KCNMA1: variants seen among roughly 807,000 people sequenced by gnomAD.
KCNMA1 encodes the protein potassium calcium-activated channel subfamily M alpha 1, also known as Calcium-activated potassium channel subunit alpha-1.
KCNMA1 carries 29 observed loss-of-function variants against 140.0 expected under a neutral mutation model. The observed-to-expected ratio is 0.21, with a 90% CI of 0.15 to 0.28. The LOEUF (loss-of-function observed/expected upper bound fraction) is 0.28. Among genes scored for constraint, KCNMA1 ranks in the 10% least tolerant of loss-of-function variants. The pLI, the probability that KCNMA1 is intolerant of heterozygous loss-of-function variation, is 1.00. For synonymous variants in KCNMA1, 612 were observed against 611.9 expected (o/e 1.00, Z 0.00); for missense variants, 880 against 1,602.2 (o/e 0.55, Z 7.70).
rs151097363 is a variant in KCNMA1 at position 77,179,130 on chromosome 10, C to T, written c.808+4291G>A. On this transcript the variant is annotated intron_variant, in intron 5 of 27. Transcript: ENST00000286628. Reference sequence around the variant, plus strand: ...TATGAAGTACGTGCTGTGCTACTCACATTACCTCGGTGAATCCCTATGAGG... The same window carrying T: ...TATGAAGTACGTGCTGTGCTACTCATATTACCTCGGTGAATCCCTATGAGG... Among the ~76,000 whole-genome samples, 101 of 152,334 alleles carry T rather than the reference C, an allele frequency of 6.6e-4. 1 individual carries two copies. Among genetic ancestry groups the T allele is most frequent in the Middle Eastern group, 3.4e-3 (1 of 294 alleles).
At chr10:77,037,921 T>C (rs1284821414) in intron 15 of KCNMA1, among the ~76,000 whole-genome samples, 1 of 152,114 alleles carries the variant, frequency 6.6e-6, no homozygotes, top group Non-Finnish European at 1.5e-5. Context: ...GCTTAACTCC[T>C]CTCAGTGGCA....
At chr10:76,940,998 A>AAAGGAAGGAAGGACGG (rs2061828344) in intron 23 of KCNMA1, among the ~76,000 whole-genome samples, 4 of 63,230 alleles carry the variant, frequency 6.3e-5, no homozygotes, top group Non-Finnish European at 1.2e-4. Context: ...AGAGAGAAAG[A>AAAGGAAGGAAGGACGG]AAGGAAGGAA....
At chr10:77,251,034 T>C (rs568696655) in intron 3 of KCNMA1, 161 bp downstream of exon 3, 2 of 670,870 alleles carry the variant, frequency 3.0e-6, no homozygotes, top group Admixed American at 4.5e-5. Context: ...GAACTTTCTT[T>C]CCCATTTAGA....
intron 2 of KCNMA1, among the ~76,000 whole-genome samples, chr10:77,325,374 T>C (rs2083787889): frequency 6.6e-6 from 1 of 151,970 alleles, no homozygotes; most frequent in Non-Finnish European, 1.5e-5. Context: ...ACACAACCAG[T>C]CCAACCGCAA....
intron 1 of KCNMA1, among the ~76,000 whole-genome samples, chr10:77,594,492 CCCTA>C (rs779772954): frequency 1.3e-5 from 2 of 152,154 alleles, no homozygotes; most frequent in Non-Finnish European, 2.9e-5. Context: ...CCATTTGTGT[CCCTA>C]CCTAAGTGCC....
Position 76,970,233 on chromosome 10 carries a change from C to T in KCNMA1, c.2267-166G>A, listed in dbSNP as rs556206465. 127 of 668,036 alleles carry T rather than the reference C, an allele frequency of 1.9e-4. 1 individual carries two copies. Among genetic ancestry groups the T allele is most frequent in the Middle Eastern group, 4.9e-4 (2 of 4,048 alleles). The allele number at this position is 668,036 out of a possible 1,614,324, so 41.4% of individuals were successfully genotyped here. A position where few individuals can be genotyped will look rare whatever the true frequency, so the allele number is the denominator to read the frequency against. ...GACCAAATGTGTTAGTCAAAGAGGC[C>T]GGCTTAGAGAAGGTGAAGGCAACAC... On this transcript the variant is annotated intron_variant, in intron 19 of 27. Transcript: ENST00000286628.
chr10:77,086,358 G>C, intron 11 of KCNMA1, 130 bp downstream of exon 11: 2 of 732,052 alleles, frequency 2.7e-6, no homozygotes, highest in Non-Finnish European at 5.0e-6. Context: ...GTATGTGATT[G>C]ATCTCATTAG....
At chr10:77,111,794 C>T (rs777024479) in intron 7 of KCNMA1, among the ~76,000 whole-genome samples, 1 of 152,198 alleles carries the variant, frequency 6.6e-6, no homozygotes, top group Non-Finnish European at 1.5e-5. Flanking sequence ...ACACACTTCC[C>T]ACAATGGCTG....
intron 2 of KCNMA1, among the ~76,000 whole-genome samples, chr10:77,369,042 A>C (rs2094527647): frequency 3.3e-5 from 5 of 152,224 alleles, no homozygotes; most frequent in Admixed American, 2.0e-4. Flanking sequence ...GCCTTTTCAC[A>C]TAAATTTTAG....
intron 2 of KCNMA1, among the ~76,000 whole-genome samples, chr10:77,367,702 T>C (rs984299231): frequency 1.3e-5 from 2 of 152,222 alleles, no homozygotes; most frequent in Non-Finnish European, 2.9e-5. Flanking sequence ...TTATCCTTTA[T>C]GATCACACCT....
intron 21 of KCNMA1, 67 bp from the exon 22 acceptor site, chr10:76,949,433 T>C: frequency 7.8e-7 from 1 of 1,285,572 alleles, no homozygotes; most frequent in Non-Finnish European, 1.1e-6. Flanking sequence ...AGGAGTGAAA[T>C]AAATCATTTG....
chr10:77,512,593 A>AT, intron 1 of KCNMA1, among the ~76,000 whole-genome samples: 1 of 152,326 alleles, frequency 6.6e-6, no homozygotes, highest in South Asian at 2.1e-4. Context: ...AGATAAGGGC[A>AT]TCTACTGTAT....
Position 76,887,458 on chromosome 10 carries a change from G to A in KCNMA1, c.3519C>T (p.Phe1173=). The A allele has an allele frequency of 6.2e-7, 1 of 1,614,136 alleles. No homozygotes were observed. The highest frequency in any genetic ancestry group is 8.5e-7 in the Non-Finnish European group (1 of 1,180,012). The change falls in exon 28 of 28, where the codon TTC becomes TTT. Residue 1173 remains phenylalanine, a synonymous_variant. Transcript: ENST00000286628. The part of the protein sequence containing the change: ...EFELVPTDLI[F]CLMQFDHNAG... ...CATTGTGGTCAAACTGCATTAAGCA[G>A]AAGATCAGGTCCGTCGGCACGAGCT... is the stretch of plus-strand genomic sequence containing the variant.
At chr10:77,211,157 C>T (rs769580917) in intron 3 of KCNMA1, among the ~76,000 whole-genome samples, 3 of 151,740 alleles carry the variant, frequency 2.0e-5, no homozygotes, top group Non-Finnish European at 4.4e-5. Context: ...CTGGAGGCAT[C>T]AAACTACCAA....
intron 5 of KCNMA1, among the ~76,000 whole-genome samples, chr10:77,178,976 A>G (rs922822139): frequency 8.5e-5 from 13 of 152,076 alleles, no homozygotes; most frequent in Non-Finnish European, 7.4e-5. Context: ...TGCCGACATG[A>G]CTGTCCTCAC....
At chr10:77,105,394 C>A (rs2097180353) in intron 9 of KCNMA1, among the ~76,000 whole-genome samples, 5 of 152,200 alleles carry the variant, frequency 3.3e-5, no homozygotes, top group South Asian at 2.1e-4. Flanking sequence ...AAACCCTGAT[C>A]TTCTCTGCCT....
At chr10:77,436,369 C>A (rs2097262756) in intron 1 of KCNMA1, among the ~76,000 whole-genome samples, 1 of 152,202 alleles carries the variant, frequency 6.6e-6, no homozygotes, top group Admixed American at 6.5e-5. Context: ...ATTCTTCACT[C>A]TCCAAAAGCA....
intron 2 of KCNMA1, among the ~76,000 whole-genome samples, chr10:77,313,410 C>T (rs748692558): frequency 6.6e-6 from 1 of 152,184 alleles, no homozygotes; most frequent in Admixed American, 6.5e-5. Flanking sequence ...CATGAGGGGA[C>T]AGGGCCTTCA....
At position 77,090,572 on chromosome 10, in the gene KCNMA1, C is replaced by G. The variant is rs369661866; in HGVS notation, c.1224-62G>C. On this transcript the variant is annotated intron_variant, in intron 9 of 27. Transcript: ENST00000286628. Reference sequence around the variant, plus strand: ...CACGACAGGACCCTGCATCCCACCCCCTGGCAAGACAGCAGAAGCCAGGCA... The same window carrying G: ...CACGACAGGACCCTGCATCCCACCCGCTGGCAAGACAGCAGAAGCCAGGCA... 206 of 1,077,952 alleles carry G rather than the reference C, an allele frequency of 1.9e-4. 2 individuals are homozygous for G. The highest frequency in any genetic ancestry group is 1.6e-3 in the South Asian group (127 of 80,338). 66.8% of individuals were successfully genotyped at this position (1,077,952 alleles called of 1,614,324 possible).
Sources: gnomAD v4.1 joint callset for allele counts (sites outside exome capture counted in the v4.1 genomes callset) on GRCh38, gnomAD v4.1.1 for gene constraint, MANE v1.5 for transcripts, NCBI Gene and HGNC (gene_info 2026-07-23, HGNC 2026-07-21) for gene names.